The following NAV2 variants were observed in gnomAD, a reference collection of about 807,000 sequenced individuals.
The protein encoded by NAV2 is helicase, APC down-regulated 1.
NAV2 carries 54 observed loss-of-function variants against 223.2 expected under a neutral mutation model. That is an observed-to-expected ratio of 0.24 (90% CI 0.19 to 0.30). The LOEUF (loss-of-function observed/expected upper bound fraction) is 0.30. NAV2 is among the 10% of genes least tolerant of loss of function. The pLI is 1.00. For synonymous variants in NAV2, 1,279 were observed against 1,239.3 expected, an observed-to-expected ratio of 1.03 and a Z score of -0.67; for missense variants, 2,806 against 3,147.5, an observed-to-expected ratio of 0.89 and a Z score of 2.60.
intron 6 of NAV2, among the ~76,000 whole-genome samples, chr11:19,929,108 A>G (rs1321516219): frequency 1.3e-5 from 2 of 152,200 alleles, no homozygotes; most frequent in Admixed American, 6.5e-5. Context: ...ACACACACAC[A>G]TACACAAAAA....
At chr11:20,076,194 G>C (rs1357683877) in intron 22 of NAV2, among the ~76,000 whole-genome samples, 1 of 151,852 alleles carries the variant, frequency 6.6e-6, no homozygotes, top group East Asian at 1.9e-4. Flanking sequence ...CTCTGTTATG[G>C]GTATTCAGAA....
At chr11:19,554,840 G>A (rs1185261312) in intron 1 of NAV2, among the ~76,000 whole-genome samples, 7 of 151,894 alleles carry the variant, frequency 4.6e-5, no homozygotes, top group Admixed American at 3.3e-4. Context: ...GTGGCTACTC[G>A]GGAGGCTGAG....
chr11:19,490,870 A>C (rs113814145), intron 1 of NAV2, among the ~76,000 whole-genome samples: 90 of 152,350 alleles, frequency 5.9e-4, no homozygotes, highest in African/African-American at 1.9e-3. Flanking sequence ...TTTTTGAAAT[A>C]ATAAGGCTTC....
At chr11:19,779,093 G>A (rs180839512) in intron 1 of NAV2, among the ~76,000 whole-genome samples, 16 of 152,326 alleles carry the variant, frequency 1.1e-4, no homozygotes, top group African/African-American at 2.9e-4. Flanking sequence ...AGTCTATGGA[G>A]GGAGCTTTCC....
At chr11:19,708,645 T>C (rs541125897), upstream of NAV2, among the ~76,000 whole-genome samples, 1 of 152,096 alleles carries the variant, frequency 6.6e-6, no homozygotes, top group African/African-American at 2.4e-5. Flanking sequence ...GTGGCTGACG[T>C]TGAGGAGCAG....
At chr11:19,984,609 T>C (rs2050600463) in intron 11 of NAV2, among the ~76,000 whole-genome samples, 1 of 152,206 alleles carries the variant, frequency 6.6e-6, no homozygotes. Context: ...TATTGCACCT[T>C]GTGGCACAGA....
At chr11:20,074,771 T>TTTTTTTTTTTTTTTTTTTTTTTTTTTTC (rs2059617744) in intron 22 of NAV2, among the ~76,000 whole-genome samples, 1 of 144,422 alleles carries the variant, frequency 6.9e-6, no homozygotes, top group African/African-American at 2.7e-5. Flanking sequence ...TTTTTTTTTT[T>TTTTTTTTTTTTTTTTTTTTTTTTTTTTC]TTTTTGCTTT....
At chr11:19,735,281 C>T (rs768748823) in intron 1 of NAV2, among the ~76,000 whole-genome samples, 10 of 152,314 alleles carry the variant, frequency 6.6e-5, no homozygotes, top group South Asian at 2.1e-4. Context: ...TTAGCACGGG[C>T]CCCTGCTCAC....
chr11:19,628,542 G>A (rs1476844181), intron 1 of NAV2, among the ~76,000 whole-genome samples: 1 of 152,110 alleles, frequency 6.6e-6, no homozygotes, highest in South Asian at 2.1e-4. Flanking sequence ...ATGTACTCAT[G>A]CATCCACGCT....
intron 1 of NAV2, 127 bp downstream of exon 1, chr11:19,714,089 CCT>C: frequency 7.4e-7 from 1 of 1,354,942 alleles, no homozygotes; most frequent in Non-Finnish European, 1.0e-6. Context: ...GAACCATTCC[CCT>C]TAGGCCGGCA....
rs139819024 is a variant in NAV2, at chr11:19,480,500, G to C, written c.75+129473G>C. On this transcript the variant is annotated intron_variant, in intron 1 of 37. Transcript: ENST00000360655. ...GATGCCCCTTCTCCTGAGCGGTGGC[G>C]GTGGTGGGAGCCGGTGCAGCCTTTT... is the stretch of plus-strand genomic sequence containing the variant. Among the ~76,000 whole-genome samples, 3 of 152,160 alleles carry C rather than the reference G, an allele frequency of 2.0e-5. No individual in the cohort carries two copies. In the East Asian group the frequency reaches 5.8e-4, roughly 29 times the overall value.
At chr11:19,885,249 C>T (rs2028603) in intron 5 of NAV2, among the ~76,000 whole-genome samples, 86,603 of 152,104 alleles carry the variant, frequency 0.57, 25,671 homozygotes, top group Non-Finnish European at 0.65. Flanking sequence ...TCATTGTGCC[C>T]AAGGCCACAC....
chr11:19,942,648 G>C (rs964094807), intron 8 of NAV2, among the ~76,000 whole-genome samples: 1 of 152,164 alleles, frequency 6.6e-6, no homozygotes, highest in Non-Finnish European at 1.5e-5. Context: ...TTGTGTGGGG[G>C]TTACCAAAAG....
intron 10 of NAV2, among the ~76,000 whole-genome samples, chr11:19,981,872 A>G (rs2050322230): frequency 6.6e-6 from 1 of 152,340 alleles, no homozygotes; most frequent in African/African-American, 2.4e-5. Flanking sequence ...TTTGCTTGTC[A>G]TATGTCTTAA....
rs935071590 is a variant in NAV2 at position 19,832,455 on chromosome 11, C to G, written c.268-29C>G. On this transcript the variant is annotated intron_variant, in intron 1 of 37. Transcript: ENST00000349880. ...TCTGAGAGGGGATCCGACTGGCTTC[C>G]TAAAGTTGCCTGTTTGCTTTTTTTA... 4 of 1,588,452 alleles carry G rather than the reference C, an allele frequency of 2.5e-6. No homozygotes were observed. In the African/African-American group the frequency reaches 5.4e-5, roughly 22 times the overall value.
At chr11:19,684,407 C>G (rs1053396315) in intron 1 of NAV2, among the ~76,000 whole-genome samples, 1 of 151,902 alleles carries the variant, frequency 6.6e-6, no homozygotes, top group Non-Finnish European at 1.5e-5. Flanking sequence ...TCTCTGAGAC[C>G]CCAGTGATGA....
intron 1 of NAV2, among the ~76,000 whole-genome samples, chr11:19,628,261 G>C (rs2047230965): frequency 6.6e-6 from 1 of 152,218 alleles, no homozygotes; most frequent in South Asian, 2.1e-4. Context: ...CCCAGGAATG[G>C]GAAAGGGAGA....
At chr11:20,103,757 A>C (rs2061816681) in intron 34 of NAV2, 33 bp downstream of exon 34, 1 of 1,595,028 alleles carries the variant, frequency 6.3e-7, no homozygotes. Context: ...CAGTTAAACA[A>C]TGGAATCACA....
intron 11 of NAV2, among the ~76,000 whole-genome samples, chr11:20,001,677 G>C (rs891524135): frequency 6.9e-6 from 1 of 144,640 alleles, no homozygotes; most frequent in Non-Finnish European, 1.5e-5. Flanking sequence ...GACACAGGAA[G>C]GGGAACATCA....
Sources: allele counts gnomAD v4.1 joint callset (sites outside exome capture counted in the v4.1 genomes callset), GRCh38; gene constraint gnomAD v4.1.1; transcripts MANE v1.5; gene names NCBI Gene and HGNC (gene_info 2026-07-23, HGNC 2026-07-21).